The following DTD1 variants were observed in gnomAD, a reference collection of about 807,000 sequenced individuals.
DTD1 encodes D-tyrosyl-tRNA deacylase 1 homolog.
In DTD1, 13 loss-of-function variants were observed where a neutral mutation model predicts 25.6. The ratio of observed to expected loss-of-function variants is 0.51; its 90% CI spans 0.33 to 0.81. The LOEUF (loss-of-function observed/expected upper bound fraction) is 0.81, where lower values mean the gene tolerates loss of function less well. DTD1 is among the 30% of genes least tolerant of loss of function. The pLI is 0.02. For synonymous variants in DTD1, 110 were observed against 103.6 expected (o/e 1.06, Z -0.37); for missense variants, 193 against 266.4 (o/e 0.72, Z 1.92).
chr20:18,749,694 GC>G lies in DTD1; in HGVS notation c.*19+5426del, dbSNP rs2061314578. Among the ~76,000 whole-genome samples, 1 of 152,308 alleles carries G rather than the reference GC, an allele frequency of 6.6e-6. No homozygotes were observed. The highest frequency in any genetic ancestry group is 2.1e-4 in the South Asian group (1 of 4,828). The stretch of plus-strand genomic sequence containing the variant: ...AGCAAGAGACACCAAACTTCAAGTA[GC>G]CCACCGTCCCTCAGTGGTGCAGTGT... On this transcript the variant is annotated intron_variant, in intron 5 of 5. Transcript: ENST00000377452. The surrounding 1 kb of genome is among the most constrained non-coding windows in gnomAD (Gnocchi z 4.2).
At chr20:18,632,132 C>T (rs925611159) in intron 4 of DTD1, 1 of 980,558 alleles carries the variant, frequency 1.0e-6, no homozygotes, top group African/African-American at 1.8e-5. Flanking sequence ...ATCAGAGCAT[C>T]ATGCTGTACA....
At chr20:18,739,361 C>G (rs1182693646) in intron 4 of DTD1, among the ~76,000 whole-genome samples, 1 of 152,296 alleles carries the variant, frequency 6.6e-6, no homozygotes, top group African/African-American at 2.4e-5. Context: ...TCCAGTCCCC[C>G]CTCTTTTGGC....
At chr20:18,685,079 C>G (rs534349081) in intron 4 of DTD1, among the ~76,000 whole-genome samples, 15 of 152,192 alleles carry the variant, frequency 9.9e-5, no homozygotes, top group African/African-American at 3.4e-4. Context: ...TAAAAAATTT[C>G]TTTTGAAGAA....
intron 4 of DTD1, among the ~76,000 whole-genome samples, chr20:18,670,530 A>T (rs942472106): frequency 6.6e-6 from 1 of 152,232 alleles, no homozygotes; most frequent in Non-Finnish European, 1.5e-5. Flanking sequence ...CAATTAAATT[A>T]TCAACTTCTT....
Position 18,763,631 on chromosome 20 carries a change from T to C in DTD1, c.*291T>C, listed in dbSNP as rs2061371418. 1 of 152,702 alleles carries C rather than the reference T, an allele frequency of 6.5e-6. No homozygotes were observed. The allele number at this position is 152,702 out of a possible 1,614,324, so 9.5% of individuals were successfully genotyped here. A position where few individuals can be genotyped will look rare whatever the true frequency, so the allele number is the denominator to read the frequency against. On this transcript the variant is annotated 3_prime_UTR_variant, in exon 6 of 6. Coordinates refer to ENST00000377452, the MANE Select transcript of DTD1 (RefSeq NM_080820.6). Reference sequence around the variant, plus strand: ...GTGCCTCCCCCACAGAAAGGCTTTGTTGGTTTCTACCACATCTTGGCTTGC... The same window carrying C: ...GTGCCTCCCCCACAGAAAGGCTTTGCTGGTTTCTACCACATCTTGGCTTGC...
intron 5 of DTD1, among the ~76,000 whole-genome samples, chr20:18,752,615 A>G (rs2122532092): frequency 6.6e-6 from 1 of 152,288 alleles, no homozygotes; most frequent in Middle Eastern, 3.4e-3. Context: ...TAGAGCCCTT[A>G]ACATATTAAT....
chr20:18,697,784 A>G (rs1427259432), intron 4 of DTD1, among the ~76,000 whole-genome samples: 7 of 152,176 alleles, frequency 4.6e-5, no homozygotes, highest in African/African-American at 1.7e-4. Flanking sequence ...TCTTAGGTTC[A>G]CGCCATTCTC....
In DTD1 at chr20:18,631,619, C is replaced by A. The variant is rs1344705719; in HGVS notation, c.477+3386C>A. The A allele has an allele frequency of 3.0e-6, 3 of 985,338 alleles. No homozygotes were observed. In the African/African-American group the frequency reaches 5.2e-5, roughly 17 times the overall value. 61.0% of individuals were successfully genotyped at this position (985,338 alleles called of 1,614,324 possible). On this transcript the variant is annotated intron_variant, in intron 4 of 5. Coordinates refer to ENST00000377452, the MANE Select transcript of DTD1 (RefSeq NM_080820.6). ...CCAGTGACCTCACATTGCTTTATTT[C>A]ATGCCCATTTTTCAGAACACTTTTC...
At chr20:18,728,433 A>G (rs1175197616) in intron 4 of DTD1, among the ~76,000 whole-genome samples, 1 of 152,210 alleles carries the variant, frequency 6.6e-6, no homozygotes, top group Admixed American at 6.5e-5. Flanking sequence ...TTCAAGGTGC[A>G]CAGGAGTCCC....
chr20:18,730,636 T>C (rs1473481942), intron 4 of DTD1, among the ~76,000 whole-genome samples: 1 of 152,268 alleles, frequency 6.6e-6, no homozygotes, highest in Non-Finnish European at 1.5e-5. Flanking sequence ...GGATTTTGGA[T>C]CCAGATAAGC....
chr20:18,650,905 T>TA (rs765528033), intron 4 of DTD1, among the ~76,000 whole-genome samples: 1 of 152,190 alleles, frequency 6.6e-6, no homozygotes. Flanking sequence ...AATGTAATTT[T>TA]AAAAAATCTC....
chr20:18,689,471 G>A (rs2061033144), intron 4 of DTD1, among the ~76,000 whole-genome samples: 1 of 152,058 alleles, frequency 6.6e-6, no homozygotes, highest in Admixed American at 6.6e-5. Flanking sequence ...TTCATTTTTA[G>A]CATTCATTTG....
At position 18,744,031 on chromosome 20, in the gene DTD1, C is replaced by T. The variant is rs559317138; in HGVS notation, c.478-69C>T. 601 of 1,496,298 alleles carry T rather than the reference C, an allele frequency of 4.0e-4. 2 individuals are homozygous for T. Among genetic ancestry groups the T allele is most frequent in the South Asian group, 1.0e-3 (78 of 77,798 alleles). The allele number at this position is 1,496,298 out of a possible 1,614,324, so 92.7% of individuals were successfully genotyped here. ...TCAATGGTTCCCACCTGGGAAGTCA[C>T]TGGTGTGTGGGATACACAGGCATGT... On this transcript the variant is annotated intron_variant, in intron 4 of 5. Transcript: ENST00000377452.
At chr20:18,631,466 A>T (rs2060787409) in intron 4 of DTD1, 1 of 985,414 alleles carries the variant, frequency 1.0e-6, no homozygotes, top group African/African-American at 1.7e-5. Context: ...TCTGCCTCTC[A>T]CAGTCATCCA....
At chr20:18,623,617 C>T (rs915035428) in intron 3 of DTD1, among the ~76,000 whole-genome samples, 3 of 152,164 alleles carry the variant, frequency 2.0e-5, no homozygotes, top group Non-Finnish European at 4.4e-5. Context: ...GACATGCACA[C>T]GGAAGCTGAG....
At chr20:18,647,142 C>A (rs922418090) in intron 4 of DTD1, among the ~76,000 whole-genome samples, 2 of 152,300 alleles carry the variant, frequency 1.3e-5, no homozygotes, top group African/African-American at 4.8e-5. Context: ...ATCTATTTTC[C>A]AAAATGTATT....
At chr20:18,710,133 A>G (rs2061152845) in intron 4 of DTD1, among the ~76,000 whole-genome samples, 1 of 152,176 alleles carries the variant, frequency 6.6e-6, no homozygotes, top group Non-Finnish European at 1.5e-5. Context: ...GTCCTGGGCA[A>G]ACCAGAACAT....
intron 4 of DTD1, among the ~76,000 whole-genome samples, chr20:18,706,180 C>T (rs2061125899): frequency 6.6e-6 from 1 of 152,122 alleles, no homozygotes; most frequent in Non-Finnish European, 1.5e-5. Flanking sequence ...CATTACTGAC[C>T]AGATAGCTTG....
intron 4 of DTD1, among the ~76,000 whole-genome samples, chr20:18,645,456 T>G (rs1387160378): frequency 1.3e-5 from 2 of 152,214 alleles, no homozygotes; most frequent in African/African-American, 4.8e-5. Context: ...TGAGATAGAC[T>G]TAGATACCAG....
Sources: gnomAD v4.1 joint callset for allele counts (sites outside exome capture counted in the v4.1 genomes callset) on GRCh38, gnomAD v4.1.1 for gene constraint, Gnocchi (gnomAD v3.1) non-coding constraint, MANE v1.5 for transcripts, NCBI Gene and HGNC (gene_info 2026-07-23, HGNC 2026-07-21) for gene names.